The following NKAIN2 variants were observed in gnomAD, a reference collection of about 807,000 sequenced individuals.
NKAIN2 encodes sodium/potassium-transporting ATPase subunit beta-1-interacting protein 2.
Under a neutral mutation model 32.6 loss-of-function variants are expected in NKAIN2, and 14 were observed. The ratio of observed to expected loss-of-function variants is 0.43; its 90% CI spans 0.28 to 0.67. NKAIN2 has a LOEUF of 0.67. Among genes scored for constraint, NKAIN2 ranks in the 30% least tolerant of loss-of-function variants. NKAIN2 has a pLI of 0.17. For missense variants in NKAIN2, 198 were observed against 258.3 expected (o/e 0.77, Z 1.60); for synonymous variants, 80 against 87.2 (o/e 0.92, Z 0.46).
chr6:124,296,230 A>T (rs1562477317), intron 2 of NKAIN2, among the ~76,000 whole-genome samples: 1 of 151,988 alleles, frequency 6.6e-6, no homozygotes, highest in Admixed American at 6.6e-5. Flanking sequence ...GTTTGCTTTG[A>T]GTTATAATAG....
chr6:124,207,917 A>G (rs554818501), intron 1 of NKAIN2, among the ~76,000 whole-genome samples: 1 of 152,138 alleles, frequency 6.6e-6, no homozygotes, highest in African/African-American at 2.4e-5. Context: ...ATTGTGTTAC[A>G]TGCACTAGAA....
intron 5 of NKAIN2, among the ~76,000 whole-genome samples, chr6:124,812,490 G>A (rs1176997356): frequency 6.6e-6 from 1 of 152,052 alleles, no homozygotes; most frequent in Non-Finnish European, 1.5e-5. Context: ...TTATAGTAGT[G>A]GAGGAAATCA....
chr6:124,197,714 C>T (rs1476699901), intron 1 of NKAIN2, among the ~76,000 whole-genome samples: 1 of 152,000 alleles, frequency 6.6e-6, no homozygotes, highest in Non-Finnish European at 1.5e-5. Context: ...AAAATCTTAC[C>T]ATTGCCCAGA....
chr6:124,183,121 A>G (rs1475403268), intron 1 of NKAIN2, among the ~76,000 whole-genome samples: 1 of 152,166 alleles, frequency 6.6e-6, no homozygotes, highest in Non-Finnish European at 1.5e-5. Flanking sequence ...GTGTGAAAGT[A>G]GGAATATTCA....
intron 4 of NKAIN2, among the ~76,000 whole-genome samples, chr6:124,690,499 A>G (rs1774203766): frequency 6.6e-6 from 1 of 152,146 alleles, no homozygotes; most frequent in Non-Finnish European, 1.5e-5. Context: ...GAAAGGGGAC[A>G]TATTTATATT....
At chr6:124,117,923 G>A (rs1385229739) in intron 1 of NKAIN2, among the ~76,000 whole-genome samples, 7 of 150,720 alleles carry the variant, frequency 4.6e-5, no homozygotes, top group Admixed American at 4.0e-4. Context: ...AAAGCTATCA[G>A]GAAAGATGGC....
chr6:124,477,383 C>T (rs1395921240), intron 3 of NKAIN2, among the ~76,000 whole-genome samples: 1 of 152,140 alleles, frequency 6.6e-6, no homozygotes, highest in African/African-American at 2.4e-5. Context: ...CTGCTCTAGT[C>T]CCTGTCTCAT....
At chr6:124,520,467 C>T (rs1444989919) in intron 3 of NKAIN2, among the ~76,000 whole-genome samples, 1 of 152,070 alleles carries the variant, frequency 6.6e-6, no homozygotes. Flanking sequence ...AATTGTTTAA[C>T]ATTTATAACA....
Position 124,118,122 on chromosome 6 carries a change from C to T in NKAIN2, c.55-164883C>T, listed in dbSNP as rs146383489. Among the ~76,000 whole-genome samples the T allele has an allele frequency of 1.8e-3, 279 of 152,190 alleles. 3 individuals carry two copies. The highest frequency in any genetic ancestry group is 7.9e-3 in the South Asian group (38 of 4,828). ...CCCTGGGGATAAGGCATGATGCTAT[C>T]ATAGGAATAGATTCTTGTCACAAGG... On this transcript the variant is annotated intron_variant, in intron 1 of 6. Transcript: ENST00000368417.
At chr6:124,272,706 C>G (rs1334168858) in intron 1 of NKAIN2, among the ~76,000 whole-genome samples, 1 of 152,166 alleles carries the variant, frequency 6.6e-6, no homozygotes, top group Non-Finnish European at 1.5e-5. Context: ...GCACCATGCA[C>G]CTGGAAAAGC....
intron 1 of NKAIN2, among the ~76,000 whole-genome samples, chr6:123,885,843 T>C (rs1436873189): frequency 6.6e-6 from 1 of 151,714 alleles, no homozygotes; most frequent in African/African-American, 2.4e-5. Flanking sequence ...TAAAAAATGG[T>C]ACATTAGGAA....
intron 3 of NKAIN2, among the ~76,000 whole-genome samples, chr6:124,541,908 G>C (rs1223086599): frequency 6.6e-6 from 1 of 152,056 alleles, no homozygotes. Context: ...CTTTAAACTT[G>C]TTTGTAATAT....
At chr6:124,350,590 T>C (rs1798677606) in intron 2 of NKAIN2, among the ~76,000 whole-genome samples, 1 of 152,196 alleles carries the variant, frequency 6.6e-6, no homozygotes, top group Admixed American at 6.5e-5. Context: ...TGGATTTCTA[T>C]GTTCATTAAA....
intron 3 of NKAIN2, among the ~76,000 whole-genome samples, chr6:124,587,369 G>C (rs530813165): frequency 6.6e-6 from 1 of 151,966 alleles, no homozygotes; most frequent in African/African-American, 2.4e-5. Context: ...ACAGGCGCAT[G>C]CCACCACGCC....
intron 3 of NKAIN2, among the ~76,000 whole-genome samples, chr6:124,574,313 T>TAAA (rs11326982): frequency 2.0e-5 from 3 of 150,290 alleles, no homozygotes; most frequent in Admixed American, 6.6e-5. Flanking sequence ...CAGAAAAAGT[T>TAAA]AAAAAAAAAA....
intron 1 of NKAIN2, among the ~76,000 whole-genome samples, chr6:124,064,717 G>A (rs533112178): frequency 1.3e-5 from 2 of 152,180 alleles, no homozygotes; most frequent in African/African-American, 2.4e-5. Flanking sequence ...TTATAGTGTC[G>A]TTTTTGTTTT....
Position 124,825,011 on chromosome 6 carries a change from AAT to A in NKAIN2, c.*1784_*1785del, listed in dbSNP as rs1330253719. 1 of 152,642 alleles carries A rather than the reference AAT, an allele frequency of 6.6e-6. No individual in the cohort carries two copies. 9.5% of individuals were successfully genotyped at this position (152,642 alleles called of 1,614,324 possible). ...TGTTTGTCCATACATACATGTATAA[AAT>A]AAACAATTGCAAACATGTCAGTGAA... On this transcript the variant is annotated 3_prime_UTR_variant, in exon 7 of 7. Coordinates refer to ENST00000368417, the MANE Select transcript of NKAIN2 (RefSeq NM_001040214.3).
At chr6:124,660,865 A>G (rs1054070905) in intron 4 of NKAIN2, among the ~76,000 whole-genome samples, 3 of 152,234 alleles carry the variant, frequency 2.0e-5, no homozygotes, top group African/African-American at 7.2e-5. Flanking sequence ...AATGCAAATC[A>G]AAAAGGCTTA....
At chr6:124,148,704 G>T (rs1186535653) in intron 1 of NKAIN2, among the ~76,000 whole-genome samples, 1 of 152,026 alleles carries the variant, frequency 6.6e-6, no homozygotes, top group Non-Finnish European at 1.5e-5. Flanking sequence ...GCCATAGTTT[G>T]TTTTTGCATT....
Sources: gnomAD v4.1 joint callset for allele counts (sites outside exome capture counted in the v4.1 genomes callset) on GRCh38, gnomAD v4.1.1 for gene constraint, MANE v1.5 for transcripts, NCBI Gene and HGNC (gene_info 2026-07-23, HGNC 2026-07-21) for gene names.